The following SCARA5 variants were observed in gnomAD, a reference collection of about 807,000 sequenced individuals.
The protein encoded by SCARA5 is scavenger receptor class A, member 5 (putative).
Under a neutral mutation model 46.3 loss-of-function variants are expected in SCARA5, and 45 were observed. The observed-to-expected ratio is 0.97, with a 90% confidence interval of 0.76 to 1.24. The LOEUF (loss-of-function observed/expected upper bound fraction) is 1.24. Ranked by LOEUF, SCARA5 falls within the 50% of genes most tolerant of loss-of-function variation. The pLI, the probability that SCARA5 is intolerant of heterozygous loss-of-function variation, is 0.00. For missense variants in SCARA5, 680 were observed against 689.0 expected, an observed-to-expected ratio of 0.99 and a Z score of 0.15; for synonymous variants, 333 against 306.5, an observed-to-expected ratio of 1.09 and a Z score of -0.90.
intron 7 of SCARA5, among the ~76,000 whole-genome samples, chr8:27,892,630 G>A (rs1257758579): frequency 9.6e-6 from 1 of 103,976 alleles, no homozygotes; most frequent in South Asian, 2.9e-4. Context: ...TTTTTTTTGA[G>A]ACGGAGTCAA....
intron 3 of SCARA5, among the ~76,000 whole-genome samples, chr8:27,945,135 C>T (rs1489927772): frequency 6.6e-6 from 1 of 151,448 alleles, no homozygotes; most frequent in Non-Finnish European, 1.5e-5. Flanking sequence ...CACTGCACTC[C>T]AGCCTGGGTG....
chr8:27,908,028 A>C (rs1420426142), intron 5 of SCARA5, among the ~76,000 whole-genome samples: 1 of 151,948 alleles, frequency 6.6e-6, no homozygotes, highest in Non-Finnish European at 1.5e-5. Flanking sequence ...AGATTAAGTA[A>C]CTGCCCAAGG....
intron 3 of SCARA5, among the ~76,000 whole-genome samples, chr8:27,943,211 A>G (rs1366844174): frequency 6.6e-6 from 1 of 152,206 alleles, no homozygotes; most frequent in Non-Finnish European, 1.5e-5. Context: ...ATATTTGAAG[A>G]TGGATCCCCT....
intron 2 of SCARA5, among the ~76,000 whole-genome samples, chr8:27,987,250 C>T (rs1222803696): frequency 6.6e-6 from 1 of 152,180 alleles, no homozygotes; most frequent in Admixed American, 6.5e-5. Context: ...CCATGCTGGA[C>T]CACCATAAGA....
intron 3 of SCARA5, among the ~76,000 whole-genome samples, chr8:27,960,905 G>A (rs1389053991): frequency 3.3e-5 from 5 of 152,178 alleles, no homozygotes. Flanking sequence ...GCTTATGTGT[G>A]TGTACTGGTT....
At chr8:27,882,900 C>T (rs11774576) in intron 7 of SCARA5, among the ~76,000 whole-genome samples, 77,940 of 152,050 alleles carry the variant, frequency 0.51, 20,191 homozygotes, top group East Asian at 0.63. Context: ...TAGGCCCTTT[C>T]GACCTGAATG....
chr8:27,907,283 G>T, intron 5 of SCARA5, 37 bp from the exon 6 acceptor site: 2 of 1,501,092 alleles, frequency 1.3e-6, no homozygotes, highest in Non-Finnish European at 9.3e-7. Context: ...AGCCTCAGAT[G>T]CAGAACAGGA....
intron 2 of SCARA5, among the ~76,000 whole-genome samples, chr8:27,970,366 C>T (rs142430825): frequency 6.6e-5 from 10 of 152,300 alleles, no homozygotes; most frequent in East Asian, 3.9e-4. Context: ...AAAAAAGGGA[C>T]GAGGCAGGAG....
chr8:27,959,119 G>C (rs1808251949), intron 3 of SCARA5, among the ~76,000 whole-genome samples: 1 of 152,140 alleles, frequency 6.6e-6, no homozygotes, highest in Non-Finnish European at 1.5e-5. Context: ...TGTAATCCCA[G>C]CTACTCAGGA....
rs1808320338 is a variant in SCARA5 at position 27,963,435 on chromosome 8, G to C, written c.241+2979C>G. ...CAAAATGTGTTGAAGAGATAGAAAAGCTTAGAGGTATTGGAGGTAGGAGGA... is the reference window on the plus strand; with the variant it reads ...CAAAATGTGTTGAAGAGATAGAAAACCTTAGAGGTATTGGAGGTAGGAGGA... On this transcript the variant is annotated intron_variant, in intron 3 of 8. Transcript: ENST00000354914. 2.6e-5 allele frequency among the ~76,000 whole-genome samples: 4 copies of C among 152,232 alleles called. No homozygotes were observed. In the South Asian group the frequency reaches 8.3e-4, roughly 32 times the overall value.
intron 2 of SCARA5, among the ~76,000 whole-genome samples, chr8:27,978,186 C>T (rs1008096226): frequency 3.0e-5 from 4 of 135,512 alleles, no homozygotes; most frequent in African/African-American, 1.1e-4. Context: ...ACCACCACAT[C>T]CGGCTAATTT....
Position 27,871,917 on chromosome 8 carries a change from T to A in SCARA5, c.*17A>T, listed in dbSNP as rs1806644959. On this transcript the variant is annotated 3_prime_UTR_variant, in exon 9 of 9. Transcript: ENST00000354914. ...GGGTGCTCTGTGCAGGACCCCGAACTTGGGCTCTGCCCACTTTCAGTGTCT... is the reference window on the plus strand; with the variant it reads ...GGGTGCTCTGTGCAGGACCCCGAACATGGGCTCTGCCCACTTTCAGTGTCT... 3.1e-6 allele frequency: 5 copies of A among 1,613,728 alleles called. No individual in the cohort carries two copies. The highest frequency in any genetic ancestry group is 4.2e-6 in the Non-Finnish European group (5 of 1,180,034).
At position 27,909,748 on chromosome 8, in the gene SCARA5, A is replaced by G; in HGVS notation, c.917-5T>C. 1.3e-6 allele frequency: 2 copies of G among 1,549,888 alleles called. No homozygotes were observed. Among genetic ancestry groups the G allele is most frequent in the African/African-American group, 1.4e-5 (1 of 73,050 alleles). ...CACCTTTGGGTCCCGGTGGCCCTGG[A>G]AAGGCAAAAACAGCACTGAGGTTAG... On this transcript the variant is annotated splice_polypyrimidine_tract_variant and splice_region_variant and intron_variant, in intron 4 of 8. Transcript: ENST00000354914.
intron 8 of SCARA5, among the ~76,000 whole-genome samples, chr8:27,873,686 A>G (rs928690647): frequency 6.6e-6 from 1 of 152,176 alleles, no homozygotes; most frequent in Non-Finnish European, 1.5e-5. Context: ...GGTGAAATAA[A>G]TAGCCTTGTT....
In SCARA5 at chr8:27,905,523, T is replaced by TGGCTGGGGGGG. The variant is rs751627046; in HGVS notation, c.1097-690_1097-689insCCCCCCCAGCC. Among the ~76,000 whole-genome samples the TGGCTGGGGGGG allele has an allele frequency of 3.7e-5, 2 of 53,638 alleles. 1 individual carries two copies. The highest frequency in any genetic ancestry group is 1.0e-4 in the Non-Finnish European group (2 of 19,486). The allele number at this position is 53,638 out of a possible 152,430, so 35.2% of individuals were successfully genotyped here. ...AGAATGCCCAGGATGATCCAAGATT[T>TGGCTGGGGGGG]GGGGGGGGGAAAAAAAAAAGGCAGC... On this transcript the variant is annotated intron_variant, in intron 6 of 8. Coordinates refer to ENST00000354914, the MANE Select transcript of SCARA5 (RefSeq NM_173833.6).
intron 4 of SCARA5, among the ~76,000 whole-genome samples, chr8:27,916,858 C>T (rs548357855): frequency 6.6e-5 from 10 of 152,290 alleles, no homozygotes; most frequent in Non-Finnish European, 4.4e-5. Flanking sequence ...CCCCCGATTT[C>T]ATATGTTGCA....
intron 7 of SCARA5, 75 bp downstream of exon 7, chr8:27,904,703 A>G: frequency 7.3e-7 from 1 of 1,372,528 alleles, no homozygotes; most frequent in South Asian, 1.2e-5. Flanking sequence ...GAACCTCCAA[A>G]CTTATGGGGC....
In SCARA5 at chr8:27,966,490, C is replaced by A. The variant is rs1808370760; in HGVS notation, c.165G>T (p.Leu55=). 2 of 1,613,898 alleles carry A rather than the reference C, an allele frequency of 1.2e-6. No homozygotes were observed. The highest frequency in any genetic ancestry group is 1.7e-4 in the Middle Eastern group (1 of 6,054). Residue 55 remains leucine, a synonymous_variant, in exon 3 of 9, where the codon CTG becomes CTT. Transcript: ENST00000354914. ...ASICCTQLGS[L]SALKHAVLGL... is the part of the protein sequence containing the mutation. Reference sequence around the variant, plus strand: ...CCAGGACAGCATGCTTCAGGGCCGACAGGGACCCCAGCTGGGTACAGCAGA... The same window carrying A: ...CCAGGACAGCATGCTTCAGGGCCGAAAGGGACCCCAGCTGGGTACAGCAGA...
chr8:27,913,539 C>A (rs1370087259), intron 4 of SCARA5, among the ~76,000 whole-genome samples: 6 of 152,230 alleles, frequency 3.9e-5, no homozygotes, highest in African/African-American at 2.4e-5. Context: ...CAGCTACATG[C>A]ATCTGTGATT....
Sources: allele counts gnomAD v4.1 joint callset (sites outside exome capture counted in the v4.1 genomes callset), GRCh38; gene constraint gnomAD v4.1.1; transcripts MANE v1.5; gene names NCBI Gene and HGNC (gene_info 2026-07-23, HGNC 2026-07-21).